The following DSCC1 variants were observed in gnomAD, a reference collection of about 807,000 sequenced individuals.
DSCC1 encodes DNA replication and sister chromatid cohesion 1.
In DSCC1, 32 loss-of-function variants were observed where a neutral mutation model predicts 48.2. That is an observed-to-expected ratio of 0.66 (90% confidence interval 0.50 to 0.89). The LOEUF (loss-of-function observed/expected upper bound fraction) is 0.89. DSCC1 is among the 40% of genes least tolerant of loss of function. The probability of loss-of-function intolerance (pLI) is 0.00; values close to 1 mark genes in which losing one functional copy is unlikely to be tolerated. For synonymous variants in DSCC1, 150 were observed against 171.5 expected, an observed-to-expected ratio of 0.87 and a Z score of 0.98; for missense variants, 421 against 471.7, an observed-to-expected ratio of 0.89 and a Z score of 1.00.
chr8:119,838,310 A>G lies in DSCC1; in HGVS notation c.1022T>C (p.Leu341Pro), dbSNP rs776130417. 3.7e-6 allele frequency: 6 copies of G among 1,608,780 alleles called. No individual in the cohort carries two copies. Among genetic ancestry groups the G allele is most frequent in the Non-Finnish European group, 5.1e-6 (6 of 1,178,082 alleles). ...TGTCCACTTCTCCCTTAGAGAGAAA[A>G]GGCTATTAAAACGTTCCTGATTATC... ...PEDNQERFNS[L>P]FSLREKWTEE... Residue 341 changes from leucine (L) to proline (P), a missense_variant, in exon 8 of 9, where the codon CTT (leucine) becomes CCT (proline). By Grantham distance (98) the Leu-to-Pro change is moderately conservative (BLOSUM62 -3). Coordinates refer to ENST00000313655, the MANE Select transcript of DSCC1 (RefSeq NM_024094.3).
intron 1 of DSCC1, among the ~76,000 whole-genome samples, chr8:119,853,538 G>A (rs1826971919): frequency 6.6e-6 from 1 of 152,274 alleles, no homozygotes; most frequent in Non-Finnish European, 1.5e-5. Flanking sequence ...GCATCCTGAA[G>A]CTTCAGTCAA....
At chr8:119,846,161 T>G (rs1406793077) in intron 4 of DSCC1, among the ~76,000 whole-genome samples, 1 of 147,690 alleles carries the variant, frequency 6.8e-6, no homozygotes. Flanking sequence ...TCGCCCAGGC[T>G]GGAGGGCAGT....
chr8:119,840,619 A>G (rs73315806), intron 7 of DSCC1, among the ~76,000 whole-genome samples: 165 of 152,260 alleles, frequency 1.1e-3, no homozygotes, highest in African/African-American at 3.9e-3. Context: ...GTGACCATTA[A>G]ACTGATTTAA....
intron 8 of DSCC1, among the ~76,000 whole-genome samples, chr8:119,837,923 A>G (rs891763241): frequency 2.0e-5 from 3 of 152,184 alleles, no homozygotes; most frequent in African/African-American, 7.2e-5. Context: ...AAAATGTTAA[A>G]TAAAGTAAGG....
In DSCC1 at chr8:119,855,847, C is replaced by G; in HGVS notation, c.-52G>C. On this transcript the variant is annotated 5_prime_UTR_variant, in exon 1 of 9. Coordinates refer to ENST00000313655, the MANE Select transcript of DSCC1 (RefSeq NM_024094.3). ...CGCGCCCGGGTGGCTGCGGGCTTGG[C>G]GGGCAAGAAAGAAGTTCCCAAGCAG... The G allele has an allele frequency of 1.4e-6, 2 of 1,410,264 alleles. No homozygotes were observed. The highest frequency in any genetic ancestry group is 3.2e-5 in the Admixed American group (1 of 31,308). The allele number at this position is 1,410,264 out of a possible 1,614,324, so 87.4% of individuals were successfully genotyped here.
At chr8:119,850,940 GA>G (rs370197376) in intron 2 of DSCC1, among the ~76,000 whole-genome samples, 2 of 152,204 alleles carry the variant, frequency 1.3e-5, no homozygotes, top group African/African-American at 4.8e-5. Flanking sequence ...TTAAAGGGAA[GA>G]GGGGGTGTGT....
intron 1 of DSCC1, 46 bp downstream of exon 1, chr8:119,855,568 A>G: frequency 6.6e-7 from 1 of 1,515,508 alleles, no homozygotes. Flanking sequence ...CTGAGAAAAT[A>G]ACGTGGCCGG....
Position 119,838,427 on chromosome 8 carries a change from A to T in DSCC1, c.925-20T>A. ...TAAACCCTACAAGAAATGAGAAGAA[A>T]CAGAGCAGTTAAAGTAATGTTGTAA... is the stretch of plus-strand genomic sequence containing the variant. On this transcript the variant is annotated intron_variant, in intron 7 of 8. Coordinates refer to ENST00000313655, the MANE Select transcript of DSCC1 (RefSeq NM_024094.3). 6.5e-7 allele frequency: 1 copy of T among 1,542,464 alleles called. No individual in the cohort carries two copies. The highest frequency in any genetic ancestry group is 8.7e-7 in the Non-Finnish European group (1 of 1,149,036).
intron 7 of DSCC1, chr8:119,839,982 C>T (rs1826743678): frequency 6.6e-6 from 1 of 152,180 alleles, no homozygotes. Context: ...TGGCGTAGAT[C>T]ACTCTGCATT....
In DSCC1 at chr8:119,838,279, T is replaced by A. The variant is rs1373763923; in HGVS notation, c.1053A>T (p.Glu351Asp). The A allele has an allele frequency of 6.3e-7, 1 of 1,596,674 alleles. No homozygotes were observed. The highest frequency in any genetic ancestry group is 1.8e-5 in the Admixed American group (1 of 55,992). ...LFSLREKWTE[E>D]DIAPYIQDLC... ...CTTACTGAATATATGGAGCAATATC[T>A]TCTTCTGTCCACTTCTCCCTTAGAG... The change falls in exon 8 of 9, where the codon GAA becomes GAT. Residue 351 changes from glutamate (E) to aspartate (D), a missense_variant. This residue lies in a region of DSCC1 where 238 missense variants were observed against 259.0 expected (regional missense o/e 0.92). Coordinates refer to ENST00000313655, the MANE Select transcript of DSCC1 (RefSeq NM_024094.3).
rs1428930394 is a variant in DSCC1 at position 119,855,607 on chromosome 8, G to A, written c.182+7C>T. The A allele has an allele frequency of 2.1e-5, 33 of 1,541,914 alleles. No individual in the cohort carries two copies. Among genetic ancestry groups the A allele is most frequent in the South Asian group, 2.4e-5 (2 of 83,844 alleles). On this transcript the variant is annotated splice_region_variant and intron_variant, in intron 1 of 8. Transcript: ENST00000313655. ...GAGGCTGGGGGCGCCGCGTGACCAG[G>A]GCTCACCTGTGTCCATCCTCCAGCT...
intron 1 of DSCC1, 62 bp downstream of exon 1, chr8:119,855,552 T>A (rs1373956785): frequency 2.7e-6 from 4 of 1,501,966 alleles, no homozygotes; most frequent in Non-Finnish European, 3.5e-6. Context: ...ATCCCGACTT[T>A]CCCCGCTGAG....
At chr8:119,852,839 A>C (rs930354631) in intron 2 of DSCC1, 4 of 432,444 alleles carry the variant, frequency 9.2e-6, no homozygotes, top group African/African-American at 2.0e-5. Flanking sequence ...CTTGAAAATC[A>C]AAACAGGAAA....
chr8:119,853,638 G>C (rs917740210), intron 1 of DSCC1, among the ~76,000 whole-genome samples: 12 of 152,230 alleles, frequency 7.9e-5, no homozygotes, highest in Admixed American at 6.5e-4. Context: ...AGCAGAGTGG[G>C]ATACACTGGG....
chr8:119,850,570 A>G, intron 2 of DSCC1, 54 bp from the exon 3 acceptor site: 1 of 1,455,206 alleles, frequency 6.9e-7, no homozygotes, highest in African/African-American at 1.5e-5. Context: ...GGAAAATTTC[A>G]TACAAAATTA....
chr8:119,836,264 T>TA (rs1228471340), intron 8 of DSCC1, among the ~76,000 whole-genome samples: 1 of 152,144 alleles, frequency 6.6e-6, no homozygotes, highest in Non-Finnish European at 1.5e-5. Context: ...AGTGAGCCGA[T>TA]ATCACACCAC....
At chr8:119,852,436 C>T (rs1352125741) in intron 2 of DSCC1, among the ~76,000 whole-genome samples, 1 of 152,130 alleles carries the variant, frequency 6.6e-6, no homozygotes, top group Non-Finnish European at 1.5e-5. Context: ...TCTCTGAAAC[C>T]TCTGCCTCCT....
rs14027 is a variant in DSCC1, at chr8:119,834,349, G to A, written c.*544C>T. 46,908 of 152,212 alleles carry A rather than the reference G, an allele frequency of 0.31. 8,012 individuals are homozygous for A. The highest frequency in any genetic ancestry group is 0.48 in the Admixed American group (7,351 of 15,254). 9.4% of individuals were successfully genotyped at this position (152,212 alleles called of 1,614,324 possible). A position where few individuals can be genotyped will look rare whatever the true frequency, so the allele number is the denominator to read the frequency against. On this transcript the variant is annotated 3_prime_UTR_variant, in exon 9 of 9. Transcript: ENST00000313655. ...TATAAACTCGTTTTTTTCCCAAAGC[G>A]CATGTCTACGCCAGGCAGAGGAGTA...
intron 2 of DSCC1, 141 bp downstream of exon 2, chr8:119,852,906 G>A: frequency 1.5e-6 from 1 of 686,958 alleles, no homozygotes; most frequent in Non-Finnish European, 2.1e-6. Flanking sequence ...TAATAATGCT[G>A]AGAAATTCAA....
Sources: allele counts gnomAD v4.1 joint callset (sites outside exome capture counted in the v4.1 genomes callset), GRCh38; gene constraint gnomAD v4.1.1; regional missense constraint gnomAD v4.1.1; transcripts MANE v1.5; gene names NCBI Gene and HGNC (gene_info 2026-07-23, HGNC 2026-07-21).